SAMD12: variants seen among roughly 807,000 people sequenced by gnomAD.
SAMD12 encodes the protein sterile alpha motif domain containing 12, also known as sterile alpha motif domain-containing protein 12.
In SAMD12, 9 loss-of-function variants were observed where a neutral mutation model predicts 15.0. The observed-to-expected ratio is 0.60, with a 90% CI of 0.36 to 1.05. The LOEUF is 1.05. SAMD12 is among the 50% of genes least tolerant of loss of function. The probability of loss-of-function intolerance (pLI) is 0.01; values close to 1 mark genes in which losing one functional copy is unlikely to be tolerated. For missense variants in SAMD12, 230 were observed against 234.2 expected, an observed-to-expected ratio of 0.98 and a Z score of 0.12; for synonymous variants, 86 against 90.1, an observed-to-expected ratio of 0.96 and a Z score of 0.25.
intron 3 of SAMD12, among the ~76,000 whole-genome samples, chr8:118,433,729 T>A (rs1822490961): frequency 6.6e-6 from 1 of 151,926 alleles, no homozygotes; most frequent in Non-Finnish European, 1.5e-5. Flanking sequence ...TCAATAAGAG[T>A]ATAGAGCAGT....
At chr8:118,272,752 T>A (rs1693278729) in intron 4 of SAMD12, among the ~76,000 whole-genome samples, 2 of 152,212 alleles carry the variant, frequency 1.3e-5, no homozygotes, top group Admixed American at 1.3e-4. Flanking sequence ...TCTTTACTCC[T>A]GTTCCTAACA....
chr8:118,389,000 G>A (rs1472514398), intron 3 of SAMD12, among the ~76,000 whole-genome samples: 1 of 152,182 alleles, frequency 6.6e-6, no homozygotes, highest in Non-Finnish European at 1.5e-5. Context: ...ATATGTGGCA[G>A]TGGACAGGGA....
intron 3 of SAMD12, among the ~76,000 whole-genome samples, chr8:118,428,084 C>T (rs923673083): frequency 2.6e-5 from 4 of 152,114 alleles, no homozygotes; most frequent in African/African-American, 4.8e-5. Context: ...TTCTTTGTGA[C>T]GTATCATTTC....
chr8:118,181,376 A>G, the SAMD12 span, among the ~76,000 whole-genome samples: 1 of 152,134 alleles, frequency 6.6e-6, no homozygotes, highest in African/African-American at 2.4e-5. Context: ...CCTTGCATCC[A>G]TTCCTTCTGA....
At chr8:118,449,588 C>A (rs111917711) in intron 2 of SAMD12, among the ~76,000 whole-genome samples, 1 of 151,384 alleles carries the variant, frequency 6.6e-6, no homozygotes, top group Non-Finnish European at 1.5e-5. Flanking sequence ...GAGGCAGGCA[C>A]ATCACGAGTT....
intron 2 of SAMD12, among the ~76,000 whole-genome samples, chr8:118,502,579 T>A (rs532471479): frequency 6.6e-6 from 1 of 152,374 alleles, no homozygotes; most frequent in South Asian, 2.1e-4. Context: ...TAGTCTCCAG[T>A]GGATACAAAC....
At chr8:118,517,709 C>G (rs1369385783) in intron 2 of SAMD12, among the ~76,000 whole-genome samples, 1 of 152,140 alleles carries the variant, frequency 6.6e-6, no homozygotes. Flanking sequence ...GGCAATATGA[C>G]CTGGAGAGGT....
chr8:118,181,835 T>C, the SAMD12 span, among the ~76,000 whole-genome samples: 200 of 152,346 alleles, frequency 1.3e-3, no homozygotes, highest in African/African-American at 4.4e-3. Flanking sequence ...AATAAAACAG[T>C]GCATTAAAGT....
chr8:118,433,712 T>C (rs938904611), intron 3 of SAMD12, among the ~76,000 whole-genome samples: 1 of 152,142 alleles, frequency 6.6e-6, no homozygotes, highest in Non-Finnish European at 1.5e-5. Context: ...AAAATTATGC[T>C]CAAGTTTCAA....
chr8:118,423,043 G>T (rs1035780134), intron 3 of SAMD12, among the ~76,000 whole-genome samples: 3 of 152,152 alleles, frequency 2.0e-5, no homozygotes, highest in Non-Finnish European at 4.4e-5. Context: ...GGCCAAGTGT[G>T]GTAGTGTGCG....
Position 118,541,102 on chromosome 8 carries a change from C to T in SAMD12, c.192+39613G>A, listed in dbSNP as rs965558547. 6.4e-4 allele frequency among the ~76,000 whole-genome samples: 98 copies of T among 152,182 alleles called. 4 individuals carry two copies. Among genetic ancestry groups the T allele is most frequent in the Non-Finnish European group, 3.1e-4 (21 of 68,030 alleles). The stretch of plus-strand genomic sequence containing the variant: ...AAAACTACCACATGCTGGTATGTTT[C>T]GGTACTATATTGTACCTATATTGTA... On this transcript the variant is annotated intron_variant, in intron 2 of 3. Transcript: ENST00000314727.
intron 4 of SAMD12, among the ~76,000 whole-genome samples, chr8:118,230,251 C>A (rs979763769): frequency 6.6e-6 from 1 of 152,086 alleles, no homozygotes; most frequent in African/African-American, 2.4e-5. Context: ...ATTCTTGTCA[C>A]AATTTTAGAT....
intron 2 of SAMD12, among the ~76,000 whole-genome samples, chr8:118,496,708 AAAAC>A (rs1824624464): frequency 6.6e-6 from 1 of 152,178 alleles, no homozygotes; most frequent in Non-Finnish European, 1.5e-5. Context: ...AACAAAAACA[AAAAC>A]AGACAAGTGG....
At chr8:118,200,572 C>T (rs557153157) in intron 4 of SAMD12, among the ~76,000 whole-genome samples, 50 of 152,150 alleles carry the variant, frequency 3.3e-4, no homozygotes, top group Non-Finnish European at 5.6e-4. Flanking sequence ...ATGAGTGGGG[C>T]ATTGGGAAAA....
At chr8:118,169,943 T>C in the SAMD12 span, among the ~76,000 whole-genome samples, 1 of 152,192 alleles carries the variant, frequency 6.6e-6, no homozygotes, top group Non-Finnish European at 1.5e-5. Flanking sequence ...AAATTTTGCA[T>C]GAATTTAAAG....
At chr8:118,551,353 G>C (rs1051936604) in intron 2 of SAMD12, among the ~76,000 whole-genome samples, 4 of 152,074 alleles carry the variant, frequency 2.6e-5, no homozygotes, top group East Asian at 1.9e-4. Flanking sequence ...AATCAAACTA[G>C]AACTCAGGAT....
In SAMD12 at chr8:118,497,728, G is replaced by GGT. The variant is rs796494898; in HGVS notation, c.193-57768_193-57767insAC. 8.4e-4 allele frequency among the ~76,000 whole-genome samples: 98 copies of GGT among 116,906 alleles called. 3 individuals are homozygous for GGT. The highest frequency in any genetic ancestry group is 3.1e-3 in the African/African-American group (84 of 27,176). The allele number at this position is 116,906 out of a possible 152,430, so 76.7% of individuals were successfully genotyped here. On this transcript the variant is annotated intron_variant, in intron 2 of 3. Transcript: ENST00000314727. The stretch of plus-strand genomic sequence containing the variant: ...ATCTAAAATAACTTAAGTTGCGGGG[G>GGT]GGGGTGGGGGGAAAGAAAAAAAAAA...
chr8:118,149,994 T>A, the SAMD12 span, among the ~76,000 whole-genome samples: 1 of 152,212 alleles, frequency 6.6e-6, no homozygotes, highest in African/African-American at 2.4e-5. Flanking sequence ...GATTCTCCAC[T>A]GAAAGTGATT....
At chr8:118,473,958 T>A (rs1823884628) in intron 2 of SAMD12, among the ~76,000 whole-genome samples, 2 of 152,128 alleles carry the variant, frequency 1.3e-5, no homozygotes, top group South Asian at 4.1e-4. Flanking sequence ...GATAGTAGAT[T>A]TTTTGTTGTT....
Sources: gnomAD v4.1 joint callset for allele counts (sites outside exome capture counted in the v4.1 genomes callset) on GRCh38, gnomAD v4.1.1 for gene constraint, MANE v1.5 for transcripts, NCBI Gene and HGNC (gene_info 2026-07-23, HGNC 2026-07-21) for gene names.